The following MACROH2A2 variants were observed in gnomAD, a reference collection of about 807,000 sequenced individuals.
The protein encoded by MACROH2A2 is macroH2A.2 histone, also known as core histone macro-H2A.2.
Under a neutral mutation model 37.6 loss-of-function variants are expected in MACROH2A2, and 6 were observed. That is an observed-to-expected ratio of 0.16 (90% CI 0.09 to 0.32). The LOEUF is 0.32. Ranked by LOEUF, MACROH2A2 falls within the 10% of genes least tolerant of loss-of-function variation. The pLI, the probability that MACROH2A2 is intolerant of heterozygous loss-of-function variation, is 1.00. For missense variants in MACROH2A2, 290 were observed against 485.9 expected (o/e 0.60, Z 3.79); for synonymous variants, 192 against 202.7 (o/e 0.95, Z 0.45).
At chr10:70,096,807 C>T (rs1396156341) in intron 6 of MACROH2A2, among the ~76,000 whole-genome samples, 1 of 152,220 alleles carries the variant, frequency 6.6e-6, no homozygotes, top group Non-Finnish European at 1.5e-5. Context: ...GCTGGACTCA[C>T]TCAGGGCTTC....
intron 8 of MACROH2A2, among the ~76,000 whole-genome samples, chr10:70,109,908 C>G (rs55897019): frequency 0.011 from 1,640 of 152,324 alleles, 22 homozygotes; most frequent in African/African-American, 0.037. Context: ...CTTCATGCCC[C>G]TAGCCAATCT....
In MACROH2A2 at chr10:70,112,163, A is replaced by ATATC. The variant is rs1467649920; in HGVS notation, c.*482_*485dup. On this transcript the variant is annotated 3_prime_UTR_variant, in exon 9 of 9. Transcript: ENST00000373255. ...AGTGCCCCCCGCCCCCATCCCTATAATATCTGTAACTACTCCTAAAAAGGT... is the reference window on the plus strand; with the variant it reads ...AGTGCCCCCCGCCCCCATCCCTATAATATCTATCTGTAACTACTCCTAAAAAGGT... 1.3e-5 allele frequency: 2 copies of ATATC among 151,578 alleles called. No homozygotes were observed. The highest frequency in any genetic ancestry group is 3.2e-3 in the Middle Eastern group (1 of 316). The allele number at this position is 151,578 out of a possible 1,614,324, so 9.4% of individuals were successfully genotyped here. A position where few individuals can be genotyped will look rare whatever the true frequency, so the allele number is the denominator to read the frequency against.
chr10:70,098,996 A>G (rs2072291711), intron 6 of MACROH2A2: 1 of 152,178 alleles, frequency 6.6e-6, no homozygotes, highest in Non-Finnish European at 1.5e-5. Flanking sequence ...ACCTGAATGC[A>G]GAGGGCGCCA....
chr10:70,054,374 G>T (rs1433295184), intron 1 of MACROH2A2, among the ~76,000 whole-genome samples: 1 of 152,164 alleles, frequency 6.6e-6, no homozygotes, highest in African/African-American at 2.4e-5. Flanking sequence ...TGGAACTGAG[G>T]TGTCCTTCCA....
chr10:70,053,244 C>T lies in MACROH2A2; in HGVS notation c.-60+244C>T, dbSNP rs2071986389. Among the ~76,000 whole-genome samples, 1 of 152,146 alleles carries T rather than the reference C, an allele frequency of 6.6e-6. No individual in the cohort carries two copies. Among genetic ancestry groups the T allele is most frequent in the South Asian group, 2.1e-4 (1 of 4,830 alleles). On this transcript the variant is annotated intron_variant, in intron 1 of 8. Transcript: ENST00000373255. This position sits in a 1 kb window ranked among gnomAD's most constrained non-coding sequence, Gnocchi z 4.8. Reference sequence around the variant, plus strand: ...AAAGAAGTGGTCAAATTCCTGCGGCCAGCGAGGGGCCGGGGGCGTCGAGGG... The same window carrying T: ...AAAGAAGTGGTCAAATTCCTGCGGCTAGCGAGGGGCCGGGGGCGTCGAGGG...
At chr10:70,106,299 A>G (rs1218557171) in intron 7 of MACROH2A2, among the ~76,000 whole-genome samples, 2 of 152,236 alleles carry the variant, frequency 1.3e-5, no homozygotes, top group African/African-American at 4.8e-5. Context: ...TATACCAAAT[A>G]CCAGGGTCAC....
chr10:70,069,537 C>T (rs1285462012), intron 1 of MACROH2A2, among the ~76,000 whole-genome samples: 8 of 152,126 alleles, frequency 5.3e-5, no homozygotes, highest in Admixed American at 5.2e-4. Context: ...AACAGAGCCA[C>T]GTGGCCTCCA....
chr10:70,093,824 G>T lies in MACROH2A2; in HGVS notation c.567G>T (p.Lys189Asn). Residue 189 changes from lysine (K) to asparagine (N), a missense_variant, in exon 5 of 9, where the codon AAG becomes AAT. Coordinates refer to ENST00000373255, the MANE Select transcript of MACROH2A2 (RefSeq NM_018649.3). Reference sequence around the variant, plus strand: ...ATGGATTCACCATTCTGTCTTCTAAGAGCCTTGTTCTGGGACAGAAGGTAA... The same window carrying T: ...ATGGATTCACCATTCTGTCTTCTAATAGCCTTGTTCTGGGACAGAAGGTAA... ...PGDGFTILSSKSLVLGQKLSL... is the reference protein window; with the variant it reads ...PGDGFTILSSNSLVLGQKLSL... The T allele has an allele frequency of 6.3e-7, 1 of 1,598,024 alleles. No homozygotes were observed. The highest frequency in any genetic ancestry group is 8.6e-7 in the Non-Finnish European group (1 of 1,165,304).
intron 7 of MACROH2A2, among the ~76,000 whole-genome samples, chr10:70,104,834 G>A (rs2072327175): frequency 6.6e-6 from 1 of 152,170 alleles, no homozygotes; most frequent in African/African-American, 2.4e-5. Context: ...ATTTCTTTCT[G>A]GAAGAACTCA....
At chr10:70,104,307 A>C (rs1174115253) in intron 7 of MACROH2A2, among the ~76,000 whole-genome samples, 7 of 151,640 alleles carry the variant, frequency 4.6e-5, no homozygotes, top group African/African-American at 9.7e-5. Context: ...ACATGAACCC[A>C]CCACGCAGAA....
rs1336816061 is a variant in MACROH2A2, at chr10:70,091,743, A to C, written c.280-14A>C. The stretch of plus-strand genomic sequence containing the variant: ...GGCTGTTTGCTACATGAGCGCATGC[A>C]TTTCTCTCTTCAGCTGCTAAAAGGA... On this transcript the variant is annotated splice_polypyrimidine_tract_variant and intron_variant, in intron 3 of 8. Coordinates refer to ENST00000373255, the MANE Select transcript of MACROH2A2 (RefSeq NM_018649.3). 6.2e-7 allele frequency: 1 copy of C among 1,602,210 alleles called. No individual in the cohort carries two copies. Among genetic ancestry groups the C allele is most frequent in the Non-Finnish European group, 8.6e-7 (1 of 1,169,456 alleles).
intron 2 of MACROH2A2, among the ~76,000 whole-genome samples, chr10:70,081,645 G>C (rs1469083651): frequency 6.6e-6 from 1 of 152,118 alleles, no homozygotes; most frequent in Non-Finnish European, 1.5e-5. Flanking sequence ...CCTTGGCAAG[G>C]ACGGCATGGG....
intron 1 of MACROH2A2, among the ~76,000 whole-genome samples, chr10:70,059,606 A>G (rs1404798230): frequency 3.3e-5 from 5 of 152,020 alleles, no homozygotes; most frequent in African/African-American, 1.2e-4. Flanking sequence ...CCTGACCTCA[A>G]GTGATCCTCC....
chr10:70,089,908 A>G (rs2072233658), intron 2 of MACROH2A2, 152 bp from the exon 3 acceptor site: 2 of 664,974 alleles, frequency 3.0e-6, no homozygotes, highest in Non-Finnish European at 5.4e-6. Context: ...GACTAACTTG[A>G]GTTCTCTTAC....
At chr10:70,058,338 A>G (rs2072029364) in intron 1 of MACROH2A2, among the ~76,000 whole-genome samples, 1 of 152,228 alleles carries the variant, frequency 6.6e-6, no homozygotes, top group South Asian at 2.1e-4. Context: ...TCATGCTTTG[A>G]TAGAAATGTG....
chr10:70,071,078 A>AGTGTGT (rs148158268), intron 1 of MACROH2A2, among the ~76,000 whole-genome samples: 2,314 of 146,492 alleles, frequency 0.016, 49 homozygotes, highest in African/African-American at 0.052. Context: ...CATGTGCATG[A>AGTGTGT]GTGTGTGTGT....
intron 7 of MACROH2A2, among the ~76,000 whole-genome samples, chr10:70,101,126 C>T (rs1160444189): frequency 6.6e-6 from 1 of 152,098 alleles, no homozygotes; most frequent in Non-Finnish European, 1.5e-5. Flanking sequence ...AAAGTGGGTC[C>T]AGGGGGCTGT....
intron 1 of MACROH2A2, among the ~76,000 whole-genome samples, chr10:70,055,787 A>G (rs755438515): frequency 4.3e-4 from 66 of 152,204 alleles, no homozygotes; most frequent in Admixed American, 1.2e-3. Flanking sequence ...ATTTCTCAGT[A>G]TGTCACCCAA....
chr10:70,091,615 A>G, intron 3 of MACROH2A2, 142 bp from the exon 4 acceptor site: 1 of 602,634 alleles, frequency 1.7e-6, no homozygotes, highest in Non-Finnish European at 2.9e-6. Flanking sequence ...CGGAGGCTGC[A>G]GTGAGCCAAG....
Sources: gnomAD v4.1 joint callset for allele counts (sites outside exome capture counted in the v4.1 genomes callset) on GRCh38, gnomAD v4.1.1 for gene constraint, Gnocchi (gnomAD v3.1) non-coding constraint, MANE v1.5 for transcripts, NCBI Gene and HGNC (gene_info 2026-07-23, HGNC 2026-07-21) for gene names.